DPP10: variants seen among roughly 807,000 people sequenced by gnomAD.
DPP10 encodes the protein inactive dipeptidyl peptidase 10.
In DPP10, 33 loss-of-function variants were observed where a neutral mutation model predicts 120.9. The ratio of observed to expected loss-of-function variants is 0.27; its 90% CI spans 0.21 to 0.37. DPP10 has a LOEUF of 0.37. Ranked by LOEUF, DPP10 falls within the 10% of genes least tolerant of loss-of-function variation. The pLI, the probability that DPP10 is intolerant of heterozygous loss-of-function variation, is 1.00. For synonymous variants in DPP10, 337 were observed against 326.1 expected (o/e 1.03, Z -0.36); for missense variants, 816 against 942.8 (o/e 0.87, Z 1.76).
intron 1 of DPP10, among the ~76,000 whole-genome samples, chr2:114,499,423 A>T (rs1336699440): frequency 1.3e-5 from 2 of 152,204 alleles, no homozygotes. Context: ...ATGTCCTGCA[A>T]GGCTAGGCAA....
chr2:115,131,207 A>G (rs1559129532), intron 1 of DPP10: 1 of 152,204 alleles, frequency 6.6e-6, no homozygotes, highest in Non-Finnish European at 1.5e-5. Flanking sequence ...GATGAACATG[A>G]AGCAAAATTA....
At chr2:115,241,413 C>T (rs2058272987) in intron 1 of DPP10, among the ~76,000 whole-genome samples, 1 of 152,164 alleles carries the variant, frequency 6.6e-6, no homozygotes, top group African/African-American at 2.4e-5. Context: ...TTTACTCTTT[C>T]TCTGCAAAAG....
At chr2:114,454,399 T>C (rs1240081440) in intron 1 of DPP10, among the ~76,000 whole-genome samples, 1 of 152,180 alleles carries the variant, frequency 6.6e-6, no homozygotes, top group Non-Finnish European at 1.5e-5. Context: ...AACATTAACT[T>C]GCCCAATGTC....
At chr2:114,799,983 C>A (rs1413239011) in intron 1 of DPP10, among the ~76,000 whole-genome samples, 2 of 152,182 alleles carry the variant, frequency 1.3e-5, no homozygotes, top group Non-Finnish European at 2.9e-5. Context: ...GAGGAATGTA[C>A]AAACCTCTGT....
chr2:115,837,841 CAA>C (rs10716487), intron 24 of DPP10, among the ~76,000 whole-genome samples: 36 of 132,236 alleles, frequency 2.7e-4, no homozygotes, highest in African/African-American at 2.7e-4. Flanking sequence ...TTGGGGTAAT[CAA>C]AAAAAAAAAA....
chr2:115,671,228 A>G (rs2149441331), intron 5 of DPP10, among the ~76,000 whole-genome samples: 1 of 152,118 alleles, frequency 6.6e-6, no homozygotes, highest in Non-Finnish European at 1.5e-5. Context: ...TAAATGAGTA[A>G]GAAAAATATA....
At chr2:115,689,348 G>A (rs1162446051) in intron 5 of DPP10, among the ~76,000 whole-genome samples, 2 of 152,128 alleles carry the variant, frequency 1.3e-5, no homozygotes, top group African/African-American at 4.8e-5. Flanking sequence ...AGAAAAACAT[G>A]TAAAAGCCAA....
At chr2:115,030,575 C>T (rs1003770110) in intron 1 of DPP10, among the ~76,000 whole-genome samples, 6 of 152,048 alleles carry the variant, frequency 3.9e-5, no homozygotes, top group Admixed American at 1.3e-4. Context: ...ATAGATCATC[C>T]GATCACCTAG....
At chr2:114,818,403 A>G (rs1685813883) in intron 1 of DPP10, among the ~76,000 whole-genome samples, 1 of 152,090 alleles carries the variant, frequency 6.6e-6, no homozygotes. Flanking sequence ...CCAAATTACT[A>G]CTTGCTTTTA....
At chr2:115,160,469 T>C (rs1378563723) in intron 1 of DPP10, among the ~76,000 whole-genome samples, 1 of 152,226 alleles carries the variant, frequency 6.6e-6, no homozygotes, top group East Asian at 1.9e-4. Flanking sequence ...GACTAATTAA[T>C]GGACTGAGTG....
chr2:115,651,680 G>A (rs1404712935), intron 5 of DPP10, among the ~76,000 whole-genome samples: 1 of 151,926 alleles, frequency 6.6e-6, no homozygotes, highest in East Asian at 1.9e-4. Flanking sequence ...TGTCAGCTTT[G>A]ATCATACCAT....
chr2:114,540,971 C>T (rs1686903093), intron 1 of DPP10, among the ~76,000 whole-genome samples: 1 of 152,196 alleles, frequency 6.6e-6, no homozygotes, highest in African/African-American at 2.4e-5. Flanking sequence ...ACTCCCGTCA[C>T]AGCTTAACTC....
At chr2:115,616,469 A>G (rs2084507988) in intron 5 of DPP10, among the ~76,000 whole-genome samples, 1 of 152,072 alleles carries the variant, frequency 6.6e-6, no homozygotes, top group African/African-American at 2.4e-5. Context: ...CATGCAGATC[A>G]ATACAAATAC....
intron 3 of DPP10, among the ~76,000 whole-genome samples, chr2:115,388,205 T>A (rs2067085319): frequency 6.6e-6 from 1 of 152,198 alleles, no homozygotes; most frequent in Admixed American, 6.5e-5. Context: ...TATAAGATTT[T>A]GATTTGTAGG....
chr2:115,632,366 T>C (rs887218365), intron 5 of DPP10, among the ~76,000 whole-genome samples: 2 of 152,320 alleles, frequency 1.3e-5, no homozygotes, highest in Non-Finnish European at 2.9e-5. Flanking sequence ...CTTGCCATTC[T>C]CTGTCTTTTG....
intron 1 of DPP10, among the ~76,000 whole-genome samples, chr2:114,805,870 C>T (rs1684679521): frequency 6.7e-6 from 1 of 148,328 alleles, no homozygotes. Context: ...CATATGACCC[C>T]ACTTAGGGGC....
intron 1 of DPP10, among the ~76,000 whole-genome samples, chr2:115,201,429 C>T (rs4849386): frequency 0.15 from 23,144 of 152,038 alleles, 2,255 homozygotes; most frequent in East Asian, 0.38. Context: ...TACCACTGCC[C>T]TCAAGCCTGG....
At chr2:115,654,762 C>T (rs1174521562) in intron 5 of DPP10, among the ~76,000 whole-genome samples, 1 of 151,786 alleles carries the variant, frequency 6.6e-6, no homozygotes, top group Non-Finnish European at 1.5e-5. Context: ...ATCAATATCT[C>T]TCAGTCTCAA....
intron 3 of DPP10, among the ~76,000 whole-genome samples, chr2:115,351,462 A>C (rs538390013): frequency 6.6e-6 from 1 of 152,142 alleles, no homozygotes; most frequent in East Asian, 1.9e-4. Flanking sequence ...TGAAGTCCAA[A>C]TCTCAGTATC....
Sources: gnomAD v4.1 joint callset for allele counts (sites outside exome capture counted in the v4.1 genomes callset) on GRCh38, gnomAD v4.1.1 for gene constraint, MANE v1.5 for transcripts, NCBI Gene and HGNC (gene_info 2026-07-23, HGNC 2026-07-21) for gene names.